PTPRD: variants seen among roughly 807,000 people sequenced by gnomAD.
PTPRD encodes the protein protein tyrosine phosphatase receptor type D, also known as receptor-type tyrosine-protein phosphatase delta.
PTPRD carries 34 observed loss-of-function variants against 214.5 expected under a neutral mutation model. That is an observed-to-expected ratio of 0.16 (90% CI 0.12 to 0.21). PTPRD has a LOEUF of 0.21. Ranked by LOEUF, PTPRD falls within the 10% of genes least tolerant of loss-of-function variation. PTPRD has a pLI of 1.00. For missense variants in PTPRD, 2,545 were observed against 2,398.7 expected (o/e 1.06, Z -1.27); for synonymous variants, 1,128 against 845.7 (o/e 1.33, Z -5.79).
At chr9:9,335,138 C>A (rs369446106) in intron 9 of PTPRD, among the ~76,000 whole-genome samples, 1 of 151,896 alleles carries the variant, frequency 6.6e-6, no homozygotes, top group Non-Finnish European at 1.5e-5. Flanking sequence ...TGGTTTTTGC[C>A]TGATATTCCG....
intron 5 of PTPRD, among the ~76,000 whole-genome samples, chr9:9,821,565 A>G (rs573418301): frequency 2.4e-4 from 36 of 152,312 alleles, no homozygotes; most frequent in African/African-American, 8.7e-4. Flanking sequence ...ATAGATAAAT[A>G]TCATAATGAT....
intron 12 of PTPRD, among the ~76,000 whole-genome samples, chr9:8,689,288 G>C (rs960522093): frequency 6.6e-6 from 1 of 152,212 alleles, no homozygotes; most frequent in African/African-American, 2.4e-5. Context: ...TGACTACAGA[G>C]AAGGGAATAT....
intron 11 of PTPRD, among the ~76,000 whole-genome samples, chr9:8,848,313 C>CTCTTT (rs1338928285): frequency 1.3e-4 from 17 of 132,682 alleles, no homozygotes; most frequent in African/African-American, 4.2e-4. Flanking sequence ...AAGATTTTTC[C>CTCTTT]TTTTTTTTTT....
At chr9:9,402,228 G>A (rs2070927529) in intron 8 of PTPRD, among the ~76,000 whole-genome samples, 1 of 152,078 alleles carries the variant, frequency 6.6e-6, no homozygotes, top group Non-Finnish European at 1.5e-5. Flanking sequence ...GAAATGTCCA[G>A]TGGCCAAAAC....
intron 3 of PTPRD, among the ~76,000 whole-genome samples, chr9:10,118,761 C>A (rs1451848794): frequency 1.3e-5 from 2 of 151,248 alleles, no homozygotes; most frequent in Non-Finnish European, 3.0e-5. Flanking sequence ...CATTTTAATC[C>A]AATCACAACT....
chr9:8,994,767 A>G (rs959981954), intron 11 of PTPRD, among the ~76,000 whole-genome samples: 1 of 152,018 alleles, frequency 6.6e-6, no homozygotes, highest in Non-Finnish European at 1.5e-5. Flanking sequence ...ATATTGGGAG[A>G]TAAATTTGGA....
chr9:10,093,913 C>T (rs1037255508), intron 3 of PTPRD, among the ~76,000 whole-genome samples: 10 of 151,284 alleles, frequency 6.6e-5, no homozygotes, highest in Non-Finnish European at 1.2e-4. Flanking sequence ...AAGATAGGAA[C>T]AGTAGACACG....
intron 3 of PTPRD, among the ~76,000 whole-genome samples, chr9:10,191,801 T>C (rs2099364760): frequency 6.6e-6 from 1 of 152,162 alleles, no homozygotes; most frequent in African/African-American, 2.4e-5. Flanking sequence ...GTAGGAAGCA[T>C]TTATGACATT....
intron 14 of PTPRD, among the ~76,000 whole-genome samples, chr9:8,614,807 C>A (rs991002068): frequency 2.0e-5 from 3 of 152,124 alleles, no homozygotes; most frequent in African/African-American, 7.2e-5. Flanking sequence ...AAGTCTACGA[C>A]AGAGTTGGAC....
intron 10 of PTPRD, among the ~76,000 whole-genome samples, chr9:9,056,510 C>A (rs754540475): frequency 2.0e-5 from 3 of 152,148 alleles, no homozygotes; most frequent in Admixed American, 6.5e-5. Flanking sequence ...TGGTCATTCT[C>A]GAAGTTTATT....
rs1392737206 is a variant in PTPRD, at chr9:8,314,814, A to T, written c.*3060T>A. The T allele has an allele frequency of 8.6e-6, 2 of 232,446 alleles. No individual in the cohort carries two copies. Among genetic ancestry groups the T allele is most frequent in the Non-Finnish European group, 1.7e-5 (2 of 117,238 alleles). The allele number at this position is 232,446 out of a possible 1,614,324, so 14.4% of individuals were successfully genotyped here. On this transcript the variant is annotated 3_prime_UTR_variant, in exon 46 of 46. Transcript: ENST00000381196. The stretch of plus-strand genomic sequence containing the variant: ...CAGTTTCTTACAGATGGGTTCAAGT[A>T]ATATCATTATTGGGTGTAGAATCAA...
intron 9 of PTPRD, among the ~76,000 whole-genome samples, chr9:9,266,490 T>C (rs1479723211): frequency 6.6e-6 from 1 of 151,090 alleles, no homozygotes; most frequent in African/African-American, 2.4e-5. Context: ...AGATAGAACA[T>C]TTATTAGGTC....
intron 2 of PTPRD, among the ~76,000 whole-genome samples, chr9:10,501,167 A>AG (rs1423651433): frequency 6.6e-6 from 1 of 151,960 alleles, no homozygotes; most frequent in Non-Finnish European, 1.5e-5. Flanking sequence ...ACAGTGTAGT[A>AG]GGGTTCCCTT....
chr9:9,257,481 C>T (rs535765312), intron 9 of PTPRD, among the ~76,000 whole-genome samples: 60 of 151,754 alleles, frequency 4.0e-4, no homozygotes, highest in African/African-American at 1.3e-3. Context: ...AACAAAAGTC[C>T]GAATTTTTAT....
At chr9:8,630,545 C>T (rs944928665) in intron 14 of PTPRD, among the ~76,000 whole-genome samples, 5 of 151,778 alleles carry the variant, frequency 3.3e-5, no homozygotes, top group Non-Finnish European at 7.4e-5. Flanking sequence ...TTTAGACTAC[C>T]TTTCTGTCAT....
At chr9:9,117,031 G>T (rs193201131) in intron 10 of PTPRD, among the ~76,000 whole-genome samples, 1 of 152,160 alleles carries the variant, frequency 6.6e-6, no homozygotes, top group African/African-American at 2.4e-5. Flanking sequence ...GGAGAAACAG[G>T]ACAGATACAG....
intron 9 of PTPRD, among the ~76,000 whole-genome samples, chr9:9,370,722 C>A (rs561711782): frequency 1.3e-5 from 2 of 152,062 alleles, no homozygotes; most frequent in South Asian, 4.1e-4. Flanking sequence ...AGTTTTTGTC[C>A]ATTCAGTATG....
At chr9:9,395,288 A>G (rs1046720604) in intron 9 of PTPRD, among the ~76,000 whole-genome samples, 3 of 152,072 alleles carry the variant, frequency 2.0e-5, no homozygotes, top group Non-Finnish European at 4.4e-5. Context: ...TTGAAAATGT[A>G]AAATTTCAGG....
intron 11 of PTPRD, among the ~76,000 whole-genome samples, chr9:8,846,208 A>G (rs2097692297): frequency 6.6e-6 from 1 of 152,196 alleles, no homozygotes; most frequent in African/African-American, 2.4e-5. Context: ...CAGAGGAGCA[A>G]TAGACAATAC....
Sources: allele counts gnomAD v4.1 joint callset (sites outside exome capture counted in the v4.1 genomes callset), GRCh38; gene constraint gnomAD v4.1.1; transcripts MANE v1.5; gene names NCBI Gene and HGNC (gene_info 2026-07-23, HGNC 2026-07-21).